Variants in LRCH1 observed in about 807,000 individuals in gnomAD.
LRCH1 encodes the protein leucine rich repeats and calponin homology domain containing 1.
In LRCH1, 23 loss-of-function variants were observed where a neutral mutation model predicts 94.9. The observed-to-expected ratio is 0.24, with a 90% CI of 0.17 to 0.34. LRCH1 has a LOEUF of 0.34. Among genes scored for constraint, LRCH1 ranks in the 10% least tolerant of loss-of-function variants. The probability of loss-of-function intolerance (pLI) is 1.00; values close to 1 mark genes in which losing one functional copy is unlikely to be tolerated. For missense variants in LRCH1, 790 were observed against 945.9 expected (o/e 0.84, Z 2.16); for synonymous variants, 364 against 354.9 (o/e 1.03, Z -0.29).
intron 11 of LRCH1, 41 bp downstream of exon 11, chr13:46,701,248 T>C: frequency 1.5e-6 from 2 of 1,353,482 alleles, no homozygotes; most frequent in Non-Finnish European, 2.1e-6. Flanking sequence ...GTGTAAATAA[T>C]GCATACTAAT....
chr13:46,717,453 G>T (rs1872379158), intron 16 of LRCH1: 2 of 152,146 alleles, frequency 1.3e-5, no homozygotes, highest in Admixed American at 1.3e-4. Flanking sequence ...CAGATGTTTG[G>T]AGGTTGTCAT....
chr13:46,555,259 A>C (rs1267423823), intron 1 of LRCH1, among the ~76,000 whole-genome samples: 1 of 152,164 alleles, frequency 6.6e-6, no homozygotes, highest in Non-Finnish European at 1.5e-5. Context: ...AACTACATTA[A>C]ATTTTACTTC....
intron 16 of LRCH1, chr13:46,717,543 T>G (rs1872385083): frequency 6.6e-6 from 1 of 152,230 alleles, no homozygotes; most frequent in South Asian, 2.1e-4. Flanking sequence ...TTACAAATAT[T>G]TGTTTAGGTT....
chr13:46,734,513 G>C (rs1873274708), intron 19 of LRCH1, among the ~76,000 whole-genome samples: 1 of 152,216 alleles, frequency 6.6e-6, no homozygotes, highest in Admixed American at 6.5e-5. Context: ...CAGCGTTTGT[G>C]TGTTGCTTTA....
exon 19 of LRCH1, chr13:46,752,364 G>A (rs1874176834): frequency 6.6e-6 from 1 of 152,274 alleles, no homozygotes; most frequent in Non-Finnish European, 1.5e-5. Flanking sequence ...ACCAGGAGGA[G>A]GATTCAGTGT....
chr13:46,573,254 C>T (rs945088451), intron 1 of LRCH1, among the ~76,000 whole-genome samples: 1 of 152,076 alleles, frequency 6.6e-6, no homozygotes, highest in African/African-American at 2.4e-5. Context: ...ATGGTAGCAG[C>T]TTAGTAAATA....
At chr13:46,686,600 T>C (rs1448274798) in intron 5 of LRCH1, among the ~76,000 whole-genome samples, 2 of 152,102 alleles carry the variant, frequency 1.3e-5, no homozygotes, top group African/African-American at 4.8e-5. Context: ...CTCCCTTCCT[T>C]GGGAGAATGG....
At chr13:46,624,648 G>T (rs760679263) in intron 1 of LRCH1, among the ~76,000 whole-genome samples, 8 of 152,162 alleles carry the variant, frequency 5.3e-5, no homozygotes, top group Admixed American at 5.2e-4. Flanking sequence ...GTCCTGAGAT[G>T]GGGGGAAGAC....
At chr13:46,592,373 C>T (rs2050510080) in intron 1 of LRCH1, among the ~76,000 whole-genome samples, 1 of 152,170 alleles carries the variant, frequency 6.6e-6, no homozygotes, top group African/African-American at 2.4e-5. Flanking sequence ...GCATTCCCAT[C>T]CTTTTAGCTC....
rs1343626009 is a variant in LRCH1, at chr13:46,553,293, T to G, written c.-104T>G. The G allele has an allele frequency of 5.3e-5, 35 of 663,378 alleles. No individual in the cohort carries two copies. The highest frequency in any genetic ancestry group is 7.5e-5 in the Non-Finnish European group (34 of 455,446). 41.1% of individuals were successfully genotyped at this position (663,378 alleles called of 1,614,324 possible). ...CTCCCCTCCTTCCAGCGCCTTTCGG[T>G]GGAGCACTGCGGCACTCAGCCCGAG... is the stretch of plus-strand genomic sequence containing the variant. On this transcript the variant is annotated 5_prime_UTR_variant, in exon 1 of 20. Transcript: ENST00000389797.
At chr13:46,592,053 C>T (rs529367264) in intron 1 of LRCH1, among the ~76,000 whole-genome samples, 102 of 152,338 alleles carry the variant, frequency 6.7e-4, no homozygotes, top group Non-Finnish European at 1.2e-3. Flanking sequence ...CATCCAGCAA[C>T]GCATTCCGTA....
intron 19 of LRCH1, among the ~76,000 whole-genome samples, chr13:46,740,846 G>A (rs1873614545): frequency 6.6e-6 from 1 of 152,190 alleles, no homozygotes; most frequent in Non-Finnish European, 1.5e-5. Flanking sequence ...GCAGTTAGCT[G>A]AGAAATAGGT....
At chr13:46,564,782 G>C (rs2050164430) in intron 1 of LRCH1, among the ~76,000 whole-genome samples, 2 of 152,256 alleles carry the variant, frequency 1.3e-5, no homozygotes, top group Admixed American at 1.3e-4. Context: ...TAATTTGTTA[G>C]AAGCGAAAAT....
intron 1 of LRCH1, among the ~76,000 whole-genome samples, chr13:46,590,689 A>G (rs1417492871): frequency 1.3e-5 from 2 of 152,096 alleles, no homozygotes; most frequent in African/African-American, 2.4e-5. Context: ...ATAATAAATA[A>G]ATAAAAGTCT....
intron 3 of LRCH1, among the ~76,000 whole-genome samples, chr13:46,670,268 C>T (rs953334908): frequency 1.5e-4 from 23 of 152,156 alleles, no homozygotes; most frequent in African/African-American, 5.6e-4. Context: ...CAAAAGTCAG[C>T]GTTGGTTAGA....
chr13:46,589,593 C>CTTTTTTT (rs762747151), intron 1 of LRCH1, among the ~76,000 whole-genome samples: 84 of 77,688 alleles, frequency 1.1e-3, no homozygotes, highest in Middle Eastern at 9.6e-3. Flanking sequence ...AGTTCTCTCA[C>CTTTTTTT]TTTTTTTTTT....
At chr13:46,612,535 T>C (rs1207347571) in intron 1 of LRCH1, among the ~76,000 whole-genome samples, 1 of 152,176 alleles carries the variant, frequency 6.6e-6, no homozygotes, top group Non-Finnish European at 1.5e-5. Flanking sequence ...TCCTGCCTCT[T>C]TGGGGAGATA....
At chr13:46,724,869 AAAAT>A (rs963302557) in intron 17 of LRCH1, among the ~76,000 whole-genome samples, 8 of 152,198 alleles carry the variant, frequency 5.3e-5, no homozygotes, top group African/African-American at 1.9e-4. Context: ...TACCCAGAGA[AAAAT>A]AAATTGTTCT....
At chr13:46,750,695 G>A (rs375908937) in exon 19 of LRCH1, 1 of 1,382,450 alleles carries the variant, frequency 7.2e-7, no homozygotes, top group Non-Finnish European at 1.0e-6. Flanking sequence ...CTCTCATCCA[G>A]GATCCTGAAC....
Sources: gnomAD v4.1 joint callset for allele counts (sites outside exome capture counted in the v4.1 genomes callset) on GRCh38, gnomAD v4.1.1 for gene constraint, MANE v1.5 for transcripts, NCBI Gene and HGNC (gene_info 2026-07-23, HGNC 2026-07-21) for gene names.